DYM: variants seen among roughly 807,000 people sequenced by gnomAD.
DYM encodes dymeclin.
In DYM, 78 loss-of-function variants were observed where a neutral mutation model predicts 93.1. The observed-to-expected ratio is 0.84, with a 90% CI of 0.70 to 1.01. DYM has a LOEUF of 1.01. Among genes scored for constraint, DYM ranks in the 50% least tolerant of loss-of-function variants. The pLI, the probability that DYM is intolerant of heterozygous loss-of-function variation, is 0.00. For synonymous variants in DYM, 321 were observed against 319.7 expected (o/e 1.00, Z -0.04); for missense variants, 789 against 845.0 (o/e 0.93, Z 0.82).
intron 1 of DYM, among the ~76,000 whole-genome samples, chr18:49,443,170 T>C (rs1382989509): frequency 6.6e-6 from 1 of 152,178 alleles, no homozygotes; most frequent in African/African-American, 2.4e-5. Context: ...TTTTAAATCG[T>C]TGAAAAAAAT....
intron 2 of DYM, among the ~76,000 whole-genome samples, chr18:49,419,596 T>C (rs2073403160): frequency 6.6e-6 from 1 of 152,216 alleles, no homozygotes; most frequent in Non-Finnish European, 1.5e-5. Flanking sequence ...TTAAGTATTT[T>C]AGTTATTCTT....
chr18:49,379,113 C>T (rs889194933), intron 4 of DYM, among the ~76,000 whole-genome samples: 1 of 152,036 alleles, frequency 6.6e-6, no homozygotes, highest in Non-Finnish European at 1.5e-5. Context: ...CGGTAAAATA[C>T]TTTTTATTTG....
chr18:49,371,248 C>T (rs1308401710), intron 5 of DYM, among the ~76,000 whole-genome samples: 1 of 152,078 alleles, frequency 6.6e-6, no homozygotes, highest in Non-Finnish European at 1.5e-5. Flanking sequence ...GCCTATAATC[C>T]CAGTGCTTTG....
chr18:49,347,261 C>T (rs2064681644), intron 6 of DYM, among the ~76,000 whole-genome samples: 1 of 151,980 alleles, frequency 6.6e-6, no homozygotes, highest in African/African-American at 2.4e-5. Context: ...AATGGAAGGA[C>T]TAGGGAGATG....
intron 17 of DYM, among the ~76,000 whole-genome samples, chr18:49,054,927 A>T (rs972817597): frequency 6.6e-6 from 1 of 152,252 alleles, no homozygotes; most frequent in Non-Finnish European, 1.5e-5. Context: ...AAACCATCGT[A>T]TCATTGGCTA....
rs2143926796 is a variant in DYM, at chr18:49,036,751, T to G, written c.*7304A>C. On this transcript the variant is annotated 3_prime_UTR_variant, in exon 18 of 18. Transcript: ENST00000675505. ...GTGTGTGTGTGTAGAGACAGGAGGG[T>G]TTCACCATGTTATCCAGGCTGGCTC... Among the ~76,000 whole-genome samples the G allele has an allele frequency of 6.6e-6, 1 of 151,722 alleles. No individual in the cohort carries two copies. Among genetic ancestry groups the G allele is most frequent in the Middle Eastern group, 3.4e-3 (1 of 292 alleles).
At chr18:49,224,090 T>C (rs1289942572) in intron 13 of DYM, among the ~76,000 whole-genome samples, 1 of 151,934 alleles carries the variant, frequency 6.6e-6, no homozygotes, top group East Asian at 1.9e-4. Flanking sequence ...GGAGAATGAA[T>C]GGATTTGAGG....
intron 11 of DYM, among the ~76,000 whole-genome samples, chr18:49,269,448 C>G (rs1273844485): frequency 6.6e-6 from 1 of 152,172 alleles, no homozygotes; most frequent in African/African-American, 2.4e-5. Context: ...TCTCACAATT[C>G]CTCTTCTGGG....
At chr18:49,236,679 A>T (rs2093876668) in intron 13 of DYM, among the ~76,000 whole-genome samples, 1 of 152,204 alleles carries the variant, frequency 6.6e-6, no homozygotes, top group Non-Finnish European at 1.5e-5. Context: ...ATGGGAAATG[A>T]AAACAAAGTC....
At chr18:49,387,279 C>T (rs1403132404) in intron 3 of DYM, among the ~76,000 whole-genome samples, 3 of 151,454 alleles carry the variant, frequency 2.0e-5, no homozygotes, top group South Asian at 2.1e-4. Flanking sequence ...TCAGTGATCT[C>T]GTTTGTTTGT....
rs76923467 is a variant in DYM at position 49,163,858 on chromosome 18, T to G, written c.1626-71A>C. 4,236 of 950,224 alleles carry G rather than the reference T, an allele frequency of 4.5e-3. 105 individuals are homozygous for G. In the African/African-American group the frequency reaches 0.055, roughly 12 times the overall value. 58.9% of individuals were successfully genotyped at this position (950,224 alleles called of 1,614,324 possible). A position where few individuals can be genotyped will look rare whatever the true frequency, so the allele number is the denominator to read the frequency against. ...CTTTTCTGTCTTCTGTGGAAATATA[T>G]AGTTCCACAGCATGTCAATTATTCT... On this transcript the variant is annotated intron_variant, in intron 14 of 17. Coordinates refer to ENST00000675505, the MANE Select transcript of DYM (RefSeq NM_001353214.3).
intron 1 of DYM, among the ~76,000 whole-genome samples, chr18:49,456,253 T>G (rs1479061450): frequency 6.6e-6 from 1 of 152,210 alleles, no homozygotes; most frequent in African/African-American, 2.4e-5. Flanking sequence ...CAAACCAGCC[T>G]TTAATCGTCC....
At chr18:49,242,023 G>A (rs2094023548) in intron 13 of DYM, among the ~76,000 whole-genome samples, 1 of 152,174 alleles carries the variant, frequency 6.6e-6, no homozygotes, top group African/African-American at 2.4e-5. Context: ...GCGTCTTTCT[G>A]CAAAGATGAG....
intron 16 of DYM, chr18:49,114,671 G>A (rs766445669): frequency 4.8e-5 from 17 of 353,374 alleles, no homozygotes; most frequent in East Asian, 3.3e-4. Context: ...TTTTTCTTTC[G>A]TGTGTGTGTG....
chr18:49,345,530 A>C lies in DYM; in HGVS notation c.495-11677T>G, dbSNP rs533374066. Among the ~76,000 whole-genome samples the C allele has an allele frequency of 1.3e-3, 192 of 152,248 alleles. 1 individual carries two copies. The highest frequency in any genetic ancestry group is 4.2e-3 in the African/African-American group (176 of 41,556). On this transcript the variant is annotated intron_variant, in intron 6 of 17. Coordinates refer to ENST00000675505, the MANE Select transcript of DYM (RefSeq NM_001353214.3). ...GAGGGCCCAGCACACGCAGTCCCTAAGGTAGGAATACACCTAGTACCACAT... is the reference window on the plus strand; with the variant it reads ...GAGGGCCCAGCACACGCAGTCCCTACGGTAGGAATACACCTAGTACCACAT...
At chr18:49,252,040 C>T (rs1416400693) in intron 13 of DYM, among the ~76,000 whole-genome samples, 1 of 151,150 alleles carries the variant, frequency 6.6e-6, no homozygotes, top group African/African-American at 2.4e-5. Context: ...ATGTTGAAAC[C>T]CCATCTCTAG....
chr18:49,430,625 G>A (rs552658309), intron 1 of DYM, among the ~76,000 whole-genome samples, 178 bp from the exon 2 acceptor site: 14 of 152,066 alleles, frequency 9.2e-5, no homozygotes, highest in Admixed American at 2.6e-4. Context: ...GGTGACTCAC[G>A]CCTGTAATCC....
chr18:49,373,286 T>A (rs1265372091), intron 5 of DYM, among the ~76,000 whole-genome samples: 2 of 152,078 alleles, frequency 1.3e-5, no homozygotes, highest in Non-Finnish European at 2.9e-5. Flanking sequence ...AGTATAGGAA[T>A]GAAAGAACGG....
At chr18:49,149,487 T>C (rs1228895829) in intron 15 of DYM, among the ~76,000 whole-genome samples, 2 of 152,158 alleles carry the variant, frequency 1.3e-5, no homozygotes, top group Non-Finnish European at 2.9e-5. Context: ...TATTTTCCCA[T>C]GGAACTTGTT....
Sources: gnomAD v4.1 joint callset for allele counts (sites outside exome capture counted in the v4.1 genomes callset) on GRCh38, gnomAD v4.1.1 for gene constraint, MANE v1.5 for transcripts, NCBI Gene and HGNC (gene_info 2026-07-23, HGNC 2026-07-21) for gene names.